KCNMA1: variants seen among roughly 807,000 people sequenced by gnomAD.
KCNMA1 encodes the protein Calcium-activated potassium channel subunit alpha-1.
Under a neutral mutation model 140.0 loss-of-function variants are expected in KCNMA1, and 29 were observed. The observed-to-expected ratio is 0.21, with a 90% CI of 0.15 to 0.28. KCNMA1 has a LOEUF of 0.28. Among genes scored for constraint, KCNMA1 ranks in the 10% least tolerant of loss-of-function variants. KCNMA1 has a pLI of 1.00. For synonymous variants in KCNMA1, 612 were observed against 611.9 expected (o/e 1.00, Z 0.00); for missense variants, 880 against 1,602.2 (o/e 0.55, Z 7.70).
At chr10:76,916,499 G>A (rs746182201) in intron 23 of KCNMA1, among the ~76,000 whole-genome samples, 8 of 152,158 alleles carry the variant, frequency 5.3e-5, no homozygotes, top group Non-Finnish European at 7.3e-5. Flanking sequence ...CGAAGCATAC[G>A]GCAGCTCCAC....
chr10:77,153,733 G>A (rs1222751920), intron 5 of KCNMA1, among the ~76,000 whole-genome samples: 1 of 152,044 alleles, frequency 6.6e-6, no homozygotes. Context: ...GATTCATAAT[G>A]GTTTTCACGT....
intron 1 of KCNMA1, among the ~76,000 whole-genome samples, chr10:77,492,041 C>T (rs1222273386): frequency 6.6e-6 from 1 of 152,186 alleles, no homozygotes; most frequent in Non-Finnish European, 1.5e-5. Context: ...CTGCCTACTG[C>T]TCCGTTCACT....
intron 2 of KCNMA1, among the ~76,000 whole-genome samples, chr10:77,402,585 C>T (rs772317074): frequency 3.9e-5 from 6 of 152,188 alleles, no homozygotes; most frequent in East Asian, 3.8e-4. Context: ...TCAAGCACCA[C>T]GTTCATTCTC....
At chr10:77,403,290 G>A (rs2096341366) in intron 2 of KCNMA1, among the ~76,000 whole-genome samples, 1 of 152,164 alleles carries the variant, frequency 6.6e-6, no homozygotes, top group Admixed American at 6.5e-5. Flanking sequence ...ACACAAGCGA[G>A]CTCTAGGTAC....
intron 2 of KCNMA1, among the ~76,000 whole-genome samples, chr10:77,390,914 T>C (rs2095798748): frequency 6.6e-6 from 1 of 152,062 alleles, no homozygotes; most frequent in African/African-American, 2.4e-5. Flanking sequence ...GAAGGTGGTG[T>C]GGGAAAGGGG....
chr10:77,555,290 T>C (rs894090639), intron 1 of KCNMA1, among the ~76,000 whole-genome samples: 3 of 152,136 alleles, frequency 2.0e-5, no homozygotes, highest in African/African-American at 4.8e-5. Flanking sequence ...TCTTGAAACT[T>C]GATTTCAGCC....
At chr10:77,398,133 T>C (rs2096129561) in intron 2 of KCNMA1, among the ~76,000 whole-genome samples, 1 of 151,992 alleles carries the variant, frequency 6.6e-6, no homozygotes, top group African/African-American at 2.4e-5. Context: ...GTTGATTCCA[T>C]AGCTTTGCTA....
At chr10:77,499,990 G>T (rs373333554) in intron 1 of KCNMA1, among the ~76,000 whole-genome samples, 5 of 152,108 alleles carry the variant, frequency 3.3e-5, no homozygotes, top group Admixed American at 1.3e-4. Flanking sequence ...ATCTTACGTG[G>T]CAAGGAGTAA....
At chr10:77,089,065 G>A (rs2096757935) in intron 10 of KCNMA1, among the ~76,000 whole-genome samples, 1 of 152,214 alleles carries the variant, frequency 6.6e-6, no homozygotes, top group South Asian at 2.1e-4. Context: ...CACACAGCAG[G>A]TAATCAGTGG....
At chr10:76,897,179 A>T (rs554658406) in intron 25 of KCNMA1, among the ~76,000 whole-genome samples, 1 of 152,050 alleles carries the variant, frequency 6.6e-6, no homozygotes, top group Non-Finnish European at 1.5e-5. Flanking sequence ...AGTGATAAAC[A>T]GTAAGTATTT....
chr10:77,298,162 A>T (rs1047447596), intron 2 of KCNMA1, among the ~76,000 whole-genome samples: 4 of 152,214 alleles, frequency 2.6e-5, no homozygotes, highest in Non-Finnish European at 5.9e-5. Context: ...GTCAACAAAA[A>T]GGACTGAGAG....
At chr10:77,624,404 G>T (rs1318575745) in intron 1 of KCNMA1, among the ~76,000 whole-genome samples, 1 of 152,124 alleles carries the variant, frequency 6.6e-6, no homozygotes, top group African/African-American at 2.4e-5. Context: ...CTATTTCTGA[G>T]ACTTTTTTTT....
intron 2 of KCNMA1, among the ~76,000 whole-genome samples, chr10:77,285,838 T>C (rs960584059): frequency 3.3e-5 from 5 of 152,228 alleles, no homozygotes; most frequent in Admixed American, 1.3e-4. Context: ...GGAAGAGGTT[T>C]GTTATTATGC....
At chr10:77,371,642 C>T (rs527270619) in intron 2 of KCNMA1, among the ~76,000 whole-genome samples, 25 of 152,242 alleles carry the variant, frequency 1.6e-4, no homozygotes, top group Admixed American at 3.3e-4. Flanking sequence ...GGTCAAAGTC[C>T]CCACCGGTCC....
rs539064392 is a variant in KCNMA1 at position 77,084,628 on chromosome 10, A to C, written c.1523+9T>G. Reference sequence around the variant, plus strand: ...AGCCCAGGGCCTTCCGCAGCGCCCCAAGAGTTACCTCATGATATTCGAGGC... The same window carrying C: ...AGCCCAGGGCCTTCCGCAGCGCCCCCAGAGTTACCTCATGATATTCGAGGC... On this transcript the variant is annotated intron_variant, in intron 12 of 27. Transcript: ENST00000286628. 1.2e-6 allele frequency: 2 copies of C among 1,612,848 alleles called. No individual in the cohort carries two copies. The highest frequency in any genetic ancestry group is 1.3e-5 in the African/African-American group (1 of 74,910).
intron 25 of KCNMA1, among the ~76,000 whole-genome samples, chr10:76,893,884 A>T (rs886932407): frequency 5.9e-5 from 9 of 152,180 alleles, no homozygotes; most frequent in African/African-American, 1.9e-4. Flanking sequence ...GGATTAGAAG[A>T]CTTGATTTAT....
chr10:76,969,913 G>A, intron 20 of KCNMA1, 61 bp downstream of exon 20: 1 of 1,346,836 alleles, frequency 7.4e-7, no homozygotes, highest in Non-Finnish European at 1.1e-6. Flanking sequence ...GTGAGGAGAG[G>A]GCGAGGGGAG....
chr10:77,503,456 AC>A (rs1376396057), intron 1 of KCNMA1, among the ~76,000 whole-genome samples: 1 of 152,174 alleles, frequency 6.6e-6, no homozygotes, highest in Non-Finnish European at 1.5e-5. Flanking sequence ...TTCTCCGTCC[AC>A]CCAGCTAGGG....
rs567415267 is a variant in KCNMA1 at position 77,469,958 on chromosome 10, AT to A, written c.379-65936del. On this transcript the variant is annotated intron_variant, in intron 1 of 27. Coordinates refer to ENST00000286628, the MANE Select transcript of KCNMA1 (RefSeq NM_001161352.2). ...CAGGCTGGGCTACCCAGGGATACAG[AT>A]TTTTTTTTTTAACTTTTTAATCAGC... Among the ~76,000 whole-genome samples, 531 of 149,208 alleles carry A rather than the reference AT, an allele frequency of 3.6e-3. 4 individuals are homozygous for A. The highest frequency in any genetic ancestry group is 0.012 in the African/African-American group (472 of 40,844).
Sources: allele counts gnomAD v4.1 joint callset (sites outside exome capture counted in the v4.1 genomes callset), GRCh38; gene constraint gnomAD v4.1.1; transcripts MANE v1.5; gene names NCBI Gene and HGNC (gene_info 2026-07-23, HGNC 2026-07-21).